Variants in IKZF1 observed in about 807,000 individuals in gnomAD.
IKZF1 encodes the protein DNA-binding protein Ikaros.
IKZF1 carries 10 observed loss-of-function variants against 51.7 expected under a neutral mutation model. The ratio of observed to expected loss-of-function variants is 0.19; its 90% CI spans 0.12 to 0.33. IKZF1 has a LOEUF of 0.33. IKZF1 is among the 10% of genes least tolerant of loss of function. The pLI is 1.00. For synonymous variants in IKZF1, 280 were observed against 282.3 expected, an observed-to-expected ratio of 0.99 and a Z score of 0.08; for missense variants, 484 against 707.5, an observed-to-expected ratio of 0.68 and a Z score of 3.58.
In IKZF1 at chr7:50,402,382, A is replaced by C. The variant is rs894069049; in HGVS notation, c.*1755A>C. On this transcript the variant is annotated 3_prime_UTR_variant, in exon 8 of 8. Transcript: ENST00000331340. ...AGGCGGGAGCTCTCCTGTGCATTGTAGGATAATTAGCAGTATCCCTGGTGG... is the reference window on the plus strand; with the variant it reads ...AGGCGGGAGCTCTCCTGTGCATTGTCGGATAATTAGCAGTATCCCTGGTGG... 1 of 230,334 alleles carries C rather than the reference A, an allele frequency of 4.3e-6. No homozygotes were observed. Among genetic ancestry groups the C allele is most frequent in the Admixed American group, 5.7e-5 (1 of 17,692 alleles). 14.3% of individuals were successfully genotyped at this position (230,334 alleles called of 1,614,324 possible).
chr7:50,399,835 G>T, intron 7 of IKZF1, 83 bp from the exon 8 acceptor site: 1 of 1,512,224 alleles, frequency 6.6e-7, no homozygotes, highest in Non-Finnish European at 8.8e-7. Flanking sequence ...CCCCTCCCCG[G>T]TTGTAGATTT....
chr7:50,357,036 G>A (rs78062594), intron 3 of IKZF1, among the ~76,000 whole-genome samples: 206 of 152,024 alleles, frequency 1.4e-3, no homozygotes, highest in South Asian at 3.8e-3. Context: ...CCGACTCACC[G>A]GGCTTCGGAG....
chr7:50,349,489 G>T (rs182465108), intron 3 of IKZF1, among the ~76,000 whole-genome samples: 175 of 152,314 alleles, frequency 1.1e-3, no homozygotes, highest in Non-Finnish European at 2.0e-3. Flanking sequence ...TGGGGAAAAG[G>T]AACAGGGAGT....
At chr7:50,366,005 C>G (rs1207938147) in intron 3 of IKZF1, among the ~76,000 whole-genome samples, 1 of 152,110 alleles carries the variant, frequency 6.6e-6, no homozygotes, top group South Asian at 2.1e-4. Flanking sequence ...GGCCATTATC[C>G]TTAGCAAACT....
chr7:50,364,763 C>T (rs990355142), intron 3 of IKZF1, among the ~76,000 whole-genome samples: 11 of 152,274 alleles, frequency 7.2e-5, no homozygotes, highest in Non-Finnish European at 1.3e-4. Context: ...TCCTAGAGTG[C>T]GAGGAGCTCT....
At chr7:50,310,957 A>T (rs1346213099) in intron 1 of IKZF1, among the ~76,000 whole-genome samples, 3 of 152,230 alleles carry the variant, frequency 2.0e-5, no homozygotes, top group African/African-American at 2.4e-5. Context: ...TAAGAGACCA[A>T]ACTACAATTT....
intron 3 of IKZF1, chr7:50,369,766 C>T (rs889357819): frequency 5.1e-6 from 2 of 392,964 alleles, no homozygotes; most frequent in African/African-American, 2.1e-5. Flanking sequence ...GCCTATTGCT[C>T]TTTTTTTTAT....
chr7:50,349,147 G>A (rs746753689), intron 3 of IKZF1, among the ~76,000 whole-genome samples: 1 of 152,172 alleles, frequency 6.6e-6, no homozygotes, highest in Non-Finnish European at 1.5e-5. Context: ...CCACTGTCTA[G>A]TGTAGGCCTG....
chr7:50,320,498 C>T (rs1792908322), intron 2 of IKZF1, among the ~76,000 whole-genome samples: 1 of 152,200 alleles, frequency 6.6e-6, no homozygotes, highest in South Asian at 2.1e-4. Context: ...CTACAGTCAT[C>T]CTGCAATGGT....
At chr7:50,327,880 G>T in intron 3 of IKZF1, 123 bp downstream of exon 3, 1 of 1,119,514 alleles carries the variant, frequency 8.9e-7, no homozygotes, top group Non-Finnish European at 1.2e-6. Flanking sequence ...GCATATTAAA[G>T]AAATATGGCA....
At chr7:50,394,400 G>C (rs1350640117) in intron 7 of IKZF1, 1 of 233,156 alleles carries the variant, frequency 4.3e-6, no homozygotes, top group African/African-American at 2.2e-5. Context: ...CTCGGATGCT[G>C]AGTTTAGCCT....
intron 3 of IKZF1, among the ~76,000 whole-genome samples, chr7:50,364,991 G>A (rs1364852807): frequency 6.6e-6 from 1 of 152,348 alleles, no homozygotes; most frequent in Admixed American, 6.5e-5. Flanking sequence ...ACGTGCAGGT[G>A]AGTGTGTGTA....
rs1453359888 is a variant in IKZF1 at position 50,327,709 on chromosome 7, T to A, written c.112T>A (p.Ser38Thr). The A allele has an allele frequency of 6.2e-7, 1 of 1,613,498 alleles. No homozygotes were observed. Among genetic ancestry groups the A allele is most frequent in the African/African-American group, 1.3e-5 (1 of 74,898 alleles). Residue 38 changes from serine (S) to threonine (T), a missense_variant, in exon 3 of 8, where the codon TCC becomes ACC. Coordinates refer to ENST00000331340, the MANE Select transcript of IKZF1 (RefSeq NM_006060.6). ...DEPMPIPEDL[S>T]TTSGGQQSSK... is the part of the protein sequence containing the mutation. ...GCCCATGCCGATCCCCGAGGACCTC[T>A]CCACCACCTCGGGAGGACAGCAAAG...
intron 4 of IKZF1, among the ~76,000 whole-genome samples, chr7:50,380,065 C>T (rs897729267): frequency 7.9e-5 from 12 of 152,210 alleles, no homozygotes; most frequent in South Asian, 2.1e-4. Flanking sequence ...TGATGGACCC[C>T]GGCCACGCAA....
intron 3 of IKZF1, among the ~76,000 whole-genome samples, chr7:50,335,933 C>T (rs897439815): frequency 1.3e-5 from 2 of 152,068 alleles, no homozygotes. Flanking sequence ...GAGGGCGCCC[C>T]CTCACCCGAT....
At chr7:50,314,824 C>A (rs1791097710) in intron 1 of IKZF1, among the ~76,000 whole-genome samples, 1 of 152,244 alleles carries the variant, frequency 6.6e-6, no homozygotes, top group Non-Finnish European at 1.5e-5. Context: ...GTTCACTTCC[C>A]AGCCAGTCTT....
intron 3 of IKZF1, among the ~76,000 whole-genome samples, chr7:50,373,748 A>G (rs547438251): frequency 1.3e-5 from 2 of 152,288 alleles, no homozygotes; most frequent in South Asian, 4.1e-4. Context: ...GTGAACAAGG[A>G]GGGCCTAGAG....
intron 3 of IKZF1, among the ~76,000 whole-genome samples, chr7:50,329,810 G>A (rs1169648740): frequency 1.3e-5 from 2 of 152,250 alleles, no homozygotes; most frequent in African/African-American, 2.4e-5. Flanking sequence ...TCAGAGTGAG[G>A]AGGCCAGCTC....
chr7:50,313,578 G>C (rs1790721190), intron 1 of IKZF1, among the ~76,000 whole-genome samples: 1 of 152,214 alleles, frequency 6.6e-6, no homozygotes, highest in Non-Finnish European at 1.5e-5. Flanking sequence ...GCAACATTCT[G>C]ATGGGCAAGA....
Sources: gnomAD v4.1 joint callset for allele counts (sites outside exome capture counted in the v4.1 genomes callset) on GRCh38, gnomAD v4.1.1 for gene constraint, MANE v1.5 for transcripts, NCBI Gene and HGNC (gene_info 2026-07-23, HGNC 2026-07-21) for gene names.